Variants in PTP4A1 observed in about 807,000 individuals in gnomAD.
PTP4A1 encodes the protein protein tyrosine phosphatase type IVA 1.
PTP4A1 carries 9 observed loss-of-function variants against 20.5 expected under a neutral mutation model. The observed-to-expected ratio is 0.44, with a 90% confidence interval of 0.26 to 0.77. The LOEUF is 0.77. PTP4A1 is among the 30% of genes least tolerant of loss of function. PTP4A1 has a pLI of 0.19. For missense variants in PTP4A1, 137 were observed against 218.8 expected, an observed-to-expected ratio of 0.63 and a Z score of 2.36; for synonymous variants, 78 against 67.4, an observed-to-expected ratio of 1.16 and a Z score of -0.77.
chr6:63,549,494 C>G, intron 2 of PTP4A1: 2 of 776,558 alleles, frequency 2.6e-6, no homozygotes, highest in Non-Finnish European at 4.5e-6. Context: ...CCTTGGCCTT[C>G]TTTCCTTTCG....
chr6:63,581,169 T>C lies in PTP4A1; in HGVS notation c.*995T>C, dbSNP rs550331872. ...TTTTTTTTTCCTTCCCAACCTCTCT[T>C]GCAAAAAAAGAAATGGGTTTCTGCT... On this transcript the variant is annotated 3_prime_UTR_variant, in exon 6 of 6. Transcript: ENST00000626021. 5.2e-5 allele frequency: 8 copies of C among 152,438 alleles called. No homozygotes were observed. Among genetic ancestry groups the C allele is most frequent in the African/African-American group, 1.7e-4 (7 of 41,546 alleles). 9.4% of individuals were successfully genotyped at this position (152,438 alleles called of 1,614,324 possible). A position where few individuals can be genotyped will look rare whatever the true frequency, so the allele number is the denominator to read the frequency against.
At chr6:63,519,264 A>G (rs1313611845), upstream of PTP4A1, among the ~76,000 whole-genome samples, 2 of 151,902 alleles carry the variant, frequency 1.3e-5, no homozygotes, top group African/African-American at 4.8e-5. Flanking sequence ...CCGAGATCAC[A>G]CCATTGCACT....
At chr6:63,530,368 G>C (rs1440515002) in intron 2 of PTP4A1, among the ~76,000 whole-genome samples, 1 of 152,130 alleles carries the variant, frequency 6.6e-6, no homozygotes, top group Non-Finnish European at 1.5e-5. Flanking sequence ...TTATATGATG[G>C]TACTGGAAGG....
intron 3 of PTP4A1, among the ~76,000 whole-genome samples, chr6:63,562,201 C>CTTTTTTT (rs60593360): frequency 1.5e-5 from 2 of 137,332 alleles, no homozygotes; most frequent in African/African-American, 2.7e-5. Flanking sequence ...TTTTCTTTTT[C>CTTTTTTT]TTTTTTTTTT....
rs1778016335 is a variant in PTP4A1 at position 63,578,469 on chromosome 6, A to T, written c.138A>T (p.Val46=). 1 of 1,610,438 alleles carries T rather than the reference A, an allele frequency of 6.2e-7. No individual in the cohort carries two copies. Among genetic ancestry groups the T allele is most frequent in the Non-Finnish European group, 8.5e-7 (1 of 1,178,922 alleles). The change falls in exon 3 of 6, where the codon GTA becomes GTT. Residue 46 remains valine, a synonymous_variant. Transcript: ENST00000626021. ...ELKKYGVTTI[V]RVCEATYDTT... ...AGAAGTATGGAGTTACCACAATAGT[A>T]AGAGTATGTGAAGCAACTTATGACA...
At chr6:63,579,822 T>C (rs1778107442) in intron 5 of PTP4A1, among the ~76,000 whole-genome samples, 1 of 152,180 alleles carries the variant, frequency 6.6e-6, no homozygotes, top group Non-Finnish European at 1.5e-5. Flanking sequence ...TGTAAATGGA[T>C]TTGTGAGTCG....
At chr6:63,535,960 A>G (rs1449553088) in intron 2 of PTP4A1, among the ~76,000 whole-genome samples, 1 of 152,038 alleles carries the variant, frequency 6.6e-6, no homozygotes, top group Non-Finnish European at 1.5e-5. Flanking sequence ...TTTTGTAGAG[A>G]CAGTGTTTCA....
At chr6:63,546,497 G>A (rs1364636029) in intron 2 of PTP4A1, among the ~76,000 whole-genome samples, 2 of 152,210 alleles carry the variant, frequency 1.3e-5, no homozygotes, top group Non-Finnish European at 2.9e-5. Flanking sequence ...CTTGAGGCAA[G>A]GAGTTCGAGA....
intron 3 of PTP4A1, among the ~76,000 whole-genome samples, chr6:63,551,906 T>C (rs1223261352): frequency 2.0e-5 from 3 of 152,116 alleles, no homozygotes; most frequent in African/African-American, 4.8e-5. Context: ...TATTCCATGG[T>C]GTATATGTGC....
At chr6:63,542,798 A>T (rs1305678174) in intron 2 of PTP4A1, among the ~76,000 whole-genome samples, 2 of 151,916 alleles carry the variant, frequency 1.3e-5, no homozygotes, top group Non-Finnish European at 2.9e-5. Flanking sequence ...CATCCTTTCC[A>T]TTGCTCTATA....
chr6:63,547,385 T>G (rs1340556781), intron 2 of PTP4A1, among the ~76,000 whole-genome samples: 1 of 151,486 alleles, frequency 6.6e-6, no homozygotes, highest in Non-Finnish European at 1.5e-5. Context: ...AGATAGGATT[T>G]CACCATGTTG....
chr6:63,540,612 G>C (rs1401065621), intron 2 of PTP4A1, among the ~76,000 whole-genome samples: 1 of 151,090 alleles, frequency 6.6e-6, no homozygotes, highest in Non-Finnish European at 1.5e-5. Flanking sequence ...GTGACAGATA[G>C]AGACCCTGTA....
upstream of PTP4A1, among the ~76,000 whole-genome samples, chr6:63,518,606 TA>T (rs1774815483): frequency 6.6e-6 from 1 of 152,198 alleles, no homozygotes; most frequent in Non-Finnish European, 1.5e-5. Context: ...TGATGTTAAA[TA>T]GGTTGTCCAA....
chr6:63,551,753 T>C (rs1776454110), intron 3 of PTP4A1, among the ~76,000 whole-genome samples: 1 of 150,644 alleles, frequency 6.6e-6, no homozygotes. Flanking sequence ...GTTCTCATTG[T>C]TCAATTCCCA....
chr6:63,516,927 C>T (rs1774749163), upstream of PTP4A1, among the ~76,000 whole-genome samples: 1 of 152,110 alleles, frequency 6.6e-6, no homozygotes, highest in African/African-American at 2.4e-5. Context: ...GAGTCTCTGC[C>T]ACCGTATCAT....
rs1778366065 is a variant in PTP4A1, at chr6:63,583,308, AAAT to A, written c.*3135_*3137del. 6.6e-6 allele frequency: 1 copy of A among 152,212 alleles called. No homozygotes were observed. Among genetic ancestry groups the A allele is most frequent in the Non-Finnish European group, 1.5e-5 (1 of 68,042 alleles). 9.4% of individuals were successfully genotyped at this position (152,212 alleles called of 1,614,324 possible). On this transcript the variant is annotated 3_prime_UTR_variant, in exon 6 of 6. Transcript: ENST00000626021. ...TAATATTCTACATTCTTGCTTCCTT[AAAT>A]TAATATGTTTGTGTGTATATATGTG... is the stretch of plus-strand genomic sequence containing the variant.
intron 1 of PTP4A1, among the ~76,000 whole-genome samples, chr6:63,524,945 A>C (rs1361283510): frequency 6.6e-6 from 1 of 152,212 alleles, no homozygotes; most frequent in Non-Finnish European, 1.5e-5. Flanking sequence ...TTTATGAAAA[A>C]ACTTAAGAAA....
chr6:63,529,107 G>A (rs936609547), intron 2 of PTP4A1, among the ~76,000 whole-genome samples: 2 of 143,736 alleles, frequency 1.4e-5, no homozygotes, highest in African/African-American at 5.1e-5. Context: ...ATATATGTGT[G>A]TATATATATA....
rs1460394545 is a variant in PTP4A1, at chr6:63,541,050, GAA to G, written c.-639-9249_-639-9248del. On this transcript the variant is annotated intron_variant, in intron 2 of 3. Coordinates refer to the PTP4A1 transcript ENST00000639568. ...GAAAGGAAGGAAGGAAGGAAGGAAGGAAGGAAGGGAGGGAAAGAAAGAAATCC... is the reference window on the plus strand; with the variant it reads ...GAAAGGAAGGAAGGAAGGAAGGAAGGGGAAGGGAGGGAAAGAAAGAAATCC... 5.5e-4 allele frequency among the ~76,000 whole-genome samples: 81 copies of G among 148,230 alleles called. 1 individual carries two copies. The highest frequency in any genetic ancestry group is 4.6e-3 in the Admixed American group (68 of 14,738).
Sources: allele counts gnomAD v4.1 joint callset (sites outside exome capture counted in the v4.1 genomes callset), GRCh38; gene constraint gnomAD v4.1.1; transcripts MANE v1.5; gene names NCBI Gene and HGNC (gene_info 2026-07-23, HGNC 2026-07-21).